OLFM3: variants seen among roughly 807,000 people sequenced by gnomAD.
The protein encoded by OLFM3 is noelin-3.
Under a neutral mutation model 48.6 loss-of-function variants are expected in OLFM3, and 20 were observed. That is an observed-to-expected ratio of 0.41 (90% CI 0.29 to 0.60). The LOEUF (loss-of-function observed/expected upper bound fraction) is 0.60. OLFM3 is among the 20% of genes least tolerant of loss of function. The pLI, the probability that OLFM3 is intolerant of heterozygous loss-of-function variation, is 0.28. For missense variants in OLFM3, 437 were observed against 544.3 expected (o/e 0.80, Z 1.96); for synonymous variants, 222 against 198.1 (o/e 1.12, Z -1.01).
intron 1 of OLFM3, among the ~76,000 whole-genome samples, chr1:101,918,751 T>TCACACTAGAAGATAGGCCTA: frequency 6.6e-6 from 1 of 152,282 alleles, no homozygotes; most frequent in South Asian, 2.1e-4. Context: ...AGAGGTGGCA[T>TCACACTAGAAGATAGGCCTA]TCTTCTGCCT....
intron 1 of OLFM3, among the ~76,000 whole-genome samples, chr1:101,926,919 A>G (rs937474150): frequency 5.3e-5 from 8 of 152,162 alleles, no homozygotes; most frequent in Non-Finnish European, 7.4e-5. Flanking sequence ...TACTACTAGC[A>G]TTACCTTCTG....
chr1:101,976,971 C>G (rs905252417), intron 1 of OLFM3, among the ~76,000 whole-genome samples: 4 of 152,080 alleles, frequency 2.6e-5, no homozygotes, highest in African/African-American at 9.7e-5. Flanking sequence ...CCCCCTAGCT[C>G]ATGGACAACT....
At position 101,818,975 on chromosome 1, in the gene OLFM3, C is replaced by A. The variant is rs549785536; in HGVS notation, c.592+6051G>T. ...ACTAGAACAAGACATTGATTCTGAT[C>A]TCTCAGTGCAGGGAGAATTTATCTA... On this transcript the variant is annotated intron_variant, in intron 4 of 5. Transcript: ENST00000370103. Among the ~76,000 whole-genome samples the A allele has an allele frequency of 5.3e-5, 8 of 152,210 alleles. No individual in the cohort carries two copies. The South Asian group carries it at 1.5e-3, about 28-fold the overall frequency.
At chr1:101,984,589 G>A (rs1027083992) in intron 1 of OLFM3, among the ~76,000 whole-genome samples, 9 of 152,166 alleles carry the variant, frequency 5.9e-5, no homozygotes, top group African/African-American at 1.7e-4. Flanking sequence ...TAGTAGAGAC[G>A]GGGTTTCACC....
At chr1:101,896,140 G>T (rs1285986709) in intron 1 of OLFM3, among the ~76,000 whole-genome samples, 1 of 151,974 alleles carries the variant, frequency 6.6e-6, no homozygotes, top group Non-Finnish European at 1.5e-5. Context: ...ATGCCAGAAA[G>T]TTCCAGTTAA....
chr1:101,881,605 T>G (rs1317568688), intron 1 of OLFM3, among the ~76,000 whole-genome samples: 4 of 151,906 alleles, frequency 2.6e-5, no homozygotes, highest in Non-Finnish European at 5.9e-5. Flanking sequence ...ATAGGCACCC[T>G]GTAGTTTTAT....
chr1:101,880,573 C>T lies in OLFM3; in HGVS notation c.70-43548G>A, dbSNP rs1472624233. On this transcript the variant is annotated intron_variant, in intron 1 of 5. Coordinates refer to ENST00000370103, the MANE Select transcript of OLFM3 (RefSeq NM_058170.4). ...CGTGGTTGGGGCATTTTTAAGATGG[C>T]TGGCTACTCTTGTTTTCCCTCATGA... is the stretch of plus-strand genomic sequence containing the variant. Among the ~76,000 whole-genome samples the T allele has an allele frequency of 2.0e-5, 3 of 151,816 alleles. No individual in the cohort carries two copies. The South Asian group carries it at 6.2e-4, about 31-fold the overall frequency.
Position 101,990,989 on chromosome 1 carries a change from T to TAAAAAAAA in OLFM3, c.69+5751_69+5758dup, listed in dbSNP as rs58481588. On this transcript the variant is annotated intron_variant, in intron 1 of 5. Coordinates refer to ENST00000370103, the MANE Select transcript of OLFM3 (RefSeq NM_058170.4). Reference sequence around the variant, plus strand: ...GACAGAGCGAGACTCTGTCAAAAAGTAAAAAAAAAAAAAAAAAAAAAAAAA... The same window carrying TAAAAAAAA: ...GACAGAGCGAGACTCTGTCAAAAAGTAAAAAAAAAAAAAAAAAAAAAAAAAAAAAAAAA... Among the ~76,000 whole-genome samples, 22 of 8,902 alleles carry TAAAAAAAA rather than the reference T, an allele frequency of 2.5e-3. 2 individuals are homozygous for TAAAAAAAA. The highest frequency in any genetic ancestry group is 4.3e-3 in the Non-Finnish European group (17 of 3,976). The allele number at this position is 8,902 out of a possible 152,430, so 5.8% of individuals were successfully genotyped here. A position where few individuals can be genotyped will look rare whatever the true frequency, so the allele number is the denominator to read the frequency against.
intron 4 of OLFM3, among the ~76,000 whole-genome samples, chr1:101,815,053 C>T (rs1456745441): frequency 1.3e-5 from 2 of 152,082 alleles, no homozygotes; most frequent in South Asian, 2.1e-4. Context: ...TTTTATTCTA[C>T]GAATGATCGA....
At position 101,868,017 on chromosome 1, in the gene OLFM3, C is replaced by T. The variant is rs988367453; in HGVS notation, c.70-30992G>A. The stretch of plus-strand genomic sequence containing the variant: ...CACCTTGTGAAGAAGGATGTGTTTG[C>T]TTCCCCTTCCACCACGACTGTAAGT... On this transcript the variant is annotated intron_variant, in intron 1 of 5. Transcript: ENST00000370103. Among the ~76,000 whole-genome samples the T allele has an allele frequency of 4.6e-5, 7 of 152,274 alleles. No homozygotes were observed. In the East Asian group the frequency reaches 1.2e-3, roughly 25 times the overall value.
At chr1:101,904,428 C>G (rs548181976) in intron 1 of OLFM3, among the ~76,000 whole-genome samples, 203 of 152,158 alleles carry the variant, frequency 1.3e-3, no homozygotes, top group Middle Eastern at 3.4e-3. Flanking sequence ...TCTGAAGATG[C>G]AGCTGCTAGT....
intron 1 of OLFM3, among the ~76,000 whole-genome samples, chr1:101,896,661 A>AT (rs1658215824): frequency 8.6e-6 from 1 of 115,776 alleles, no homozygotes; most frequent in African/African-American, 3.4e-5. Flanking sequence ...CGCCCGGCTG[A>AT]TTTTTTGTAT....
intron 1 of OLFM3, among the ~76,000 whole-genome samples, chr1:101,914,867 G>A (rs896098569): frequency 6.6e-6 from 1 of 152,152 alleles, no homozygotes; most frequent in Non-Finnish European, 1.5e-5. Flanking sequence ...GAAAGAAGAG[G>A]TTGGGAAATT....
rs1653540763 is a variant in OLFM3 at position 101,802,610 on chromosome 1, A to G, written c.*1628T>C. 6.6e-6 allele frequency: 1 copy of G among 151,678 alleles called. No homozygotes were observed. The highest frequency in any genetic ancestry group is 1.5e-5 in the Non-Finnish European group (1 of 67,726). 9.4% of individuals were successfully genotyped at this position (151,678 alleles called of 1,614,324 possible). ...GGTTATTTAATTCTACAATTTTGAC[A>G]GTGAGATATTTGAGGATGATGCTTT... On this transcript the variant is annotated 3_prime_UTR_variant, in exon 6 of 6. Coordinates refer to ENST00000370103, the MANE Select transcript of OLFM3 (RefSeq NM_058170.4).
chr1:101,897,164 T>A (rs1234195515), intron 1 of OLFM3, among the ~76,000 whole-genome samples: 2 of 152,136 alleles, frequency 1.3e-5, no homozygotes, highest in Non-Finnish European at 2.9e-5. Flanking sequence ...AAAAGTAATC[T>A]GTGATAAGAA....
At chr1:101,980,021 G>A (rs1661064028) in intron 1 of OLFM3, among the ~76,000 whole-genome samples, 1 of 152,192 alleles carries the variant, frequency 6.6e-6, no homozygotes, top group African/African-American at 2.4e-5. Flanking sequence ...CTGCCCTTTG[G>A]ATTTCAGAGT....
At chr1:101,893,538 G>C in intron 1 of OLFM3, 1 of 283,396 alleles carries the variant, frequency 3.5e-6, no homozygotes, top group South Asian at 4.8e-5. Flanking sequence ...ACTGGAGCCA[G>C]GAGATATTAT....
chr1:101,887,050 A>T (rs926978863), intron 1 of OLFM3, among the ~76,000 whole-genome samples: 26 of 152,124 alleles, frequency 1.7e-4, no homozygotes, highest in Admixed American at 1.4e-3. Flanking sequence ...TAATAAGTTA[A>T]TTTAGACCAT....
intron 1 of OLFM3, among the ~76,000 whole-genome samples, chr1:101,950,887 A>G (rs1309421869): frequency 2.6e-5 from 4 of 152,244 alleles, no homozygotes; most frequent in Admixed American, 6.5e-5. Context: ...TATTGATTGA[A>G]CAAATAAATG....
Sources: allele counts gnomAD v4.1 joint callset (sites outside exome capture counted in the v4.1 genomes callset), GRCh38; gene constraint gnomAD v4.1.1; transcripts MANE v1.5; gene names NCBI Gene and HGNC (gene_info 2026-07-23, HGNC 2026-07-21).